Variants in ZFHX4 observed in about 807,000 individuals in gnomAD.
ZFHX4 encodes zinc finger homeobox 4.
ZFHX4 carries 56 observed loss-of-function variants against 267.6 expected under a neutral mutation model. That is an observed-to-expected ratio of 0.21 (90% CI 0.17 to 0.26). ZFHX4 has a LOEUF of 0.26. Among genes scored for constraint, ZFHX4 ranks in the 10% least tolerant of loss-of-function variants. ZFHX4 has a pLI of 1.00. For synonymous variants in ZFHX4, 1,778 were observed against 1,665.6 expected (o/e 1.07, Z -1.64); for missense variants, 4,332 against 4,420.0 (o/e 0.98, Z 0.56).
At chr8:76,757,353 G>A (rs77823799) in intron 3 of ZFHX4, among the ~76,000 whole-genome samples, 1 of 152,218 alleles carries the variant, frequency 6.6e-6, no homozygotes, top group East Asian at 1.9e-4. Context: ...AGGTAAAAAG[G>A]GACTTGTGCC....
chr8:76,706,150 C>G lies in ZFHX4; in HGVS notation c.2062C>G (p.Arg688Gly). The G allele has an allele frequency of 6.2e-7, 1 of 1,613,828 alleles. No individual in the cohort carries two copies. The highest frequency in any genetic ancestry group is 8.5e-7 in the Non-Finnish European group (1 of 1,179,912). Residue 688 changes from arginine (R) to glycine (G), a missense_variant, in exon 2 of 11, where the codon CGG becomes GGG. Transcript: ENST00000651372. Reference sequence around the variant, plus strand: ...TGGACAGCCTCACCCCAGGCTTGCCCGGGGTGAGAGTTACACGTGTGGCTA... The same window carrying G: ...TGGACAGCCTCACCCCAGGCTTGCCGGGGGTGAGAGTTACACGTGTGGCTA... Reference protein sequence around the residue: ...KTGQPHPRLARGESYTCGYKP... With the variant: ...KTGQPHPRLAGGESYTCGYKP...
Position 76,853,841 on chromosome 8 carries a change from C to G in ZFHX4, c.6920C>G (p.Thr2307Arg). Reference protein sequence around the residue: ...RELTNERYIRTSNMQYQCKKC... With the variant: ...RELTNERYIRRSNMQYQCKKC... Reference sequence around the variant, plus strand: ...CTCACTAATGAACGGTACATTCGAACAAGCAACATGCAGTACCAGTGTAAA... The same window carrying G: ...CTCACTAATGAACGGTACATTCGAAGAAGCAACATGCAGTACCAGTGTAAA... Residue 2307 changes from threonine to arginine, a missense_variant, in exon 10 of 11, where the codon ACA (threonine) becomes AGA (arginine). Thr to Arg is a moderately conservative substitution (Grantham distance 71). Around this residue, in one of 7 missense-constraint regions of ZFHX4, gnomAD observed 1,648 missense variants for 1,625.0 expected, o/e 1.01. Transcript: ENST00000651372. 1.9e-6 allele frequency: 3 copies of G among 1,613,850 alleles called. No individual in the cohort carries two copies. The highest frequency in any genetic ancestry group is 2.5e-6 in the Non-Finnish European group (3 of 1,179,862).
chr8:76,770,825 A>G (rs1022078857), intron 3 of ZFHX4, among the ~76,000 whole-genome samples: 4 of 152,166 alleles, frequency 2.6e-5, no homozygotes, highest in African/African-American at 4.8e-5. Flanking sequence ...TGGAAGCTGT[A>G]TACTCAGAAT....
chr8:76,736,601 CT>C (rs34774246), intron 3 of ZFHX4, among the ~76,000 whole-genome samples: 45,900 of 151,856 alleles, frequency 0.3, 10,014 homozygotes, highest in African/African-American at 0.61. Context: ...TCTGATTTTA[CT>C]TGGAAGAATG....
At chr8:76,766,201 C>A (rs1810047031) in intron 3 of ZFHX4, among the ~76,000 whole-genome samples, 1 of 151,614 alleles carries the variant, frequency 6.6e-6, no homozygotes. Flanking sequence ...ATCATTTAGG[C>A]CAACTGATGT....
chr8:76,704,067 A>T lies in ZFHX4; in HGVS notation c.-22A>T, dbSNP rs753348238. On this transcript the variant is annotated 5_prime_UTR_variant, in exon 2 of 11. The change abolishes the stop of an existing upstream ORF in the 5' untranslated region. Coordinates refer to ENST00000651372, the MANE Select transcript of ZFHX4 (RefSeq NM_024721.5). ...GGTCCCTGACAGGCTGGATGAAATG[A>T]GATCCCCATGTAGCAATTGCCATGG... The T allele has an allele frequency of 6.4e-7, 1 of 1,573,264 alleles. No homozygotes were observed. The highest frequency in any genetic ancestry group is 1.4e-5 in the African/African-American group (1 of 73,462).
rs186058100 is a variant in ZFHX4, at chr8:76,768,847, A to G, written c.3094-9361A>G. On this transcript the variant is annotated intron_variant, in intron 3 of 10. Coordinates refer to ENST00000651372, the MANE Select transcript of ZFHX4 (RefSeq NM_024721.5). The stretch of plus-strand genomic sequence containing the variant: ...ATGAAATAATAGAAGGGGGCTTGAT[A>G]TCAAAAGATGAGGCGAGCACAAGTG... Among the ~76,000 whole-genome samples the G allele has an allele frequency of 4.6e-5, 7 of 152,324 alleles. No homozygotes were observed. In the East Asian group the frequency reaches 1.4e-3, roughly 29 times the overall value.
chr8:76,808,880 T>TTCTCTG (rs1228754783), intron 4 of ZFHX4, among the ~76,000 whole-genome samples: 3 of 151,358 alleles, frequency 2.0e-5, no homozygotes, highest in South Asian at 2.1e-4. Flanking sequence ...CCAGGAATCT[T>TTCTCTG]TCTCTGTCTC....
At chr8:76,792,407 A>C (rs967206593) in intron 4 of ZFHX4, among the ~76,000 whole-genome samples, 3 of 152,180 alleles carry the variant, frequency 2.0e-5, no homozygotes, top group Non-Finnish European at 4.4e-5. Context: ...TCAGTTTCGC[A>C]AGATTTGTGC....
chr8:76,861,379 G>T (rs544681985), intron 10 of ZFHX4, among the ~76,000 whole-genome samples: 162 of 152,230 alleles, frequency 1.1e-3, no homozygotes, highest in Middle Eastern at 3.4e-3. Context: ...CTAGGACTCG[G>T]TTTCCTTATT....
chr8:76,728,452 C>T (rs1655442359), intron 3 of ZFHX4, among the ~76,000 whole-genome samples: 2 of 152,118 alleles, frequency 1.3e-5, no homozygotes, highest in Admixed American at 1.3e-4. Flanking sequence ...TCTCTTTCCC[C>T]TCTGGGGGAT....
intron 3 of ZFHX4, among the ~76,000 whole-genome samples, chr8:76,712,312 A>T (rs1000484327): frequency 6.6e-6 from 1 of 152,188 alleles, no homozygotes; most frequent in Non-Finnish European, 1.5e-5. Flanking sequence ...CCCACAGAGG[A>T]GAATGCAAGG....
chr8:76,705,449 T>C lies in ZFHX4; in HGVS notation c.1361T>C (p.Leu454Ser), dbSNP rs774264066. Residue 454 changes from leucine (L) to serine (S), a missense_variant, in exon 2 of 11, where the codon TTA becomes TCA. Coordinates refer to ENST00000651372, the MANE Select transcript of ZFHX4 (RefSeq NM_024721.5). ...NCERPKESNV[L>S]HPNGECPVKS... ...GAAAGGCCAAAAGAAAGCAACGTTTTACACCCAAACGGGGAGTGCCCTGTC... is the reference window on the plus strand; with the variant it reads ...GAAAGGCCAAAAGAAAGCAACGTTTCACACCCAAACGGGGAGTGCCCTGTC... The C allele has an allele frequency of 6.2e-7, 1 of 1,613,762 alleles. No individual in the cohort carries two copies. The highest frequency in any genetic ancestry group is 1.1e-5 in the South Asian group (1 of 91,046).
At chr8:76,794,670 C>G (rs1222462815) in intron 4 of ZFHX4, among the ~76,000 whole-genome samples, 2 of 152,122 alleles carry the variant, frequency 1.3e-5, no homozygotes, top group Non-Finnish European at 2.9e-5. Context: ...TCTCCTTTCA[C>G]TTTTTAGAAC....
chr8:76,726,673 G>A (rs1279142882), intron 3 of ZFHX4, among the ~76,000 whole-genome samples: 1 of 152,050 alleles, frequency 6.6e-6, no homozygotes, highest in Non-Finnish European at 1.5e-5. Context: ...GAGAACCCAT[G>A]GTTAAAATTA....
At chr8:76,787,552 C>T (rs532842699) in intron 4 of ZFHX4, among the ~76,000 whole-genome samples, 3 of 151,310 alleles carry the variant, frequency 2.0e-5, no homozygotes, top group Admixed American at 1.3e-4. Flanking sequence ...CCTGTAATCC[C>T]AGCCCTTTGG....
chr8:76,739,082 G>A (rs1011026846), intron 3 of ZFHX4, among the ~76,000 whole-genome samples: 2 of 152,144 alleles, frequency 1.3e-5, no homozygotes, highest in Admixed American at 6.5e-5. Flanking sequence ...CATGATTTAG[G>A]AAGCTTTTCC....
chr8:76,863,835 C>T lies in ZFHX4; in HGVS notation c.10121C>T (p.Thr3374Ile). ...SETKEDKSTA[T>I]ESTKEEPQLE... ...ACAAAGGAAGACAAAAGTACTGCTA[C>T]AGAAAGCACAAAAGAAGAACCCCAG... The change falls in exon 11 of 11, where the codon ACA (threonine) becomes ATA (isoleucine). Residue 3374 changes from threonine to isoleucine, a missense_variant. Thr to Ile is a moderately conservative substitution (Grantham distance 89). Transcript: ENST00000651372. 1 of 1,553,428 alleles carries T rather than the reference C, an allele frequency of 6.4e-7. No homozygotes were observed. Among genetic ancestry groups the T allele is most frequent in the Non-Finnish European group, 8.7e-7 (1 of 1,147,764 alleles).
At chr8:76,746,777 A>AAT (rs770230779) in intron 3 of ZFHX4, among the ~76,000 whole-genome samples, 3 of 152,204 alleles carry the variant, frequency 2.0e-5, no homozygotes, top group African/African-American at 7.2e-5. Flanking sequence ...CCATGTAAGA[A>AAT]ATAGAAGTAG....
Sources: gnomAD v4.1 joint callset for allele counts (sites outside exome capture counted in the v4.1 genomes callset) on GRCh38, gnomAD v4.1.1 for gene constraint, gnomAD v4.1.1 regional missense constraint, MANE v1.5 for transcripts, NCBI Gene and HGNC (gene_info 2026-07-23, HGNC 2026-07-21) for gene names.